Variants in GSG1L observed in about 807,000 individuals in gnomAD.
The protein encoded by GSG1L is germ cell-specific gene 1-like protein.
A neutral mutation model predicts 42.1 loss-of-function variants in GSG1L; 24 were observed. The observed-to-expected ratio is 0.57, with a 90% CI of 0.41 to 0.80. The LOEUF (loss-of-function observed/expected upper bound fraction) is 0.80. Ranked by LOEUF, GSG1L falls within the 30% of genes least tolerant of loss-of-function variation. The probability of loss-of-function intolerance (pLI) is 0.00; values close to 1 mark genes in which losing one functional copy is unlikely to be tolerated. For synonymous variants in GSG1L, 215 were observed against 203.5 expected (o/e 1.06, Z -0.48); for missense variants, 445 against 472.2 (o/e 0.94, Z 0.53).
intron 3 of GSG1L, among the ~76,000 whole-genome samples, chr16:27,849,928 T>A (rs1020184761): frequency 6.6e-6 from 1 of 150,984 alleles, no homozygotes; most frequent in South Asian, 2.1e-4. Flanking sequence ...GGTTTCAGCG[T>A]CTGGGCAGAT....
chr16:28,036,777 C>T (rs868782649), intron 1 of GSG1L, among the ~76,000 whole-genome samples: 23 of 152,258 alleles, frequency 1.5e-4, no homozygotes, highest in South Asian at 8.3e-4. Context: ...TCTGGGGTCA[C>T]GTAGGAGAAA....
At chr16:28,028,931 A>G (rs1014786236) in intron 1 of GSG1L, among the ~76,000 whole-genome samples, 1 of 152,212 alleles carries the variant, frequency 6.6e-6, no homozygotes, top group Non-Finnish European at 1.5e-5. Flanking sequence ...GCAGTGACCA[A>G]TAGCCAGCTA....
At chr16:27,864,948 G>A (rs1046610136) in intron 3 of GSG1L, among the ~76,000 whole-genome samples, 3 of 152,144 alleles carry the variant, frequency 2.0e-5, no homozygotes, top group African/African-American at 4.8e-5. Context: ...GAGTCCTACC[G>A]GGCTCCAGAA....
At chr16:27,867,387 C>T (rs1038261281) in intron 3 of GSG1L, among the ~76,000 whole-genome samples, 1 of 152,172 alleles carries the variant, frequency 6.6e-6, no homozygotes, top group African/African-American at 2.4e-5. Flanking sequence ...GAGTAAAGGA[C>T]CTGGCACATT....
chr16:27,793,115 G>A (rs1221567077), intron 6 of GSG1L, among the ~76,000 whole-genome samples: 1 of 152,226 alleles, frequency 6.6e-6, no homozygotes, highest in Admixed American at 6.5e-5. Flanking sequence ...TCCTAGTGAA[G>A]CCAAGCTCCT....
At chr16:27,997,309 C>CCTT (rs2085526559) in intron 1 of GSG1L, among the ~76,000 whole-genome samples, 1 of 70,594 alleles carries the variant, frequency 1.4e-5, no homozygotes, top group Non-Finnish European at 2.9e-5. Flanking sequence ...GTGTTCTCCA[C>CCTT]TTTTTTTTTT....
At chr16:27,826,329 G>A (rs1225083831) in intron 5 of GSG1L, among the ~76,000 whole-genome samples, 1 of 152,062 alleles carries the variant, frequency 6.6e-6, no homozygotes, top group East Asian at 1.9e-4. Flanking sequence ...CCCTCCCAAG[G>A]GCCCCACAGA....
chr16:27,846,069 A>AT (rs2083440105), intron 3 of GSG1L, among the ~76,000 whole-genome samples: 1 of 151,990 alleles, frequency 6.6e-6, no homozygotes, highest in South Asian at 2.1e-4. Flanking sequence ...CACCTGGCTA[A>AT]TTTTTGTATT....
intron 2 of GSG1L, among the ~76,000 whole-genome samples, chr16:27,888,416 C>CTT (rs2084058187): frequency 5.7e-5 from 1 of 17,484 alleles, no homozygotes; most frequent in African/African-American, 1.1e-4. Context: ...TTCTTTCTTT[C>CTT]TTTCTTTCTT....
Position 27,881,378 on chromosome 16 carries a change from A to G in GSG1L, c.550+3108T>C, listed in dbSNP as rs1306298914. On this transcript the variant is annotated intron_variant, in intron 3 of 6. Coordinates refer to ENST00000447459, the MANE Select transcript of GSG1L (RefSeq NM_001109763.2). ...TGCCTCAGCCTCCTAAGTAGCTGGG[A>G]TTACAGGTGTGCACCACCATGCCCA... Among the ~76,000 whole-genome samples the G allele has an allele frequency of 2.0e-5, 3 of 150,944 alleles. No individual in the cohort carries two copies. In the South Asian group the frequency reaches 6.3e-4, roughly 32 times the overall value.
At position 27,979,160 on chromosome 16, in the gene GSG1L, T is replaced by C. The variant is rs1370342855; in HGVS notation, c.350-15957A>G. ...TTCCATCCAGGCTTGCAAAAAGGAT[T>C]CAAACAAGCCAGGCATGGTGGCTCA... On this transcript the variant is annotated intron_variant, in intron 1 of 6. Transcript: ENST00000447459. Among the ~76,000 whole-genome samples, 4 of 151,934 alleles carry C rather than the reference T, an allele frequency of 2.6e-5. No individual in the cohort carries two copies. The East Asian group carries it at 7.8e-4, about 29-fold the overall frequency.
At chr16:27,871,489 A>C (rs968130481) in intron 3 of GSG1L, among the ~76,000 whole-genome samples, 1 of 152,074 alleles carries the variant, frequency 6.6e-6, no homozygotes, top group African/African-American at 2.4e-5. Flanking sequence ...AAAAAATACA[A>C]ACAATAGCCA....
At position 27,816,968 on chromosome 16, in the gene GSG1L, C is replaced by A. The variant is rs1407401216; in HGVS notation, c.831-9414G>T. Among the ~76,000 whole-genome samples the A allele has an allele frequency of 3.3e-5, 5 of 152,118 alleles. No individual in the cohort carries two copies. The East Asian group carries it at 9.6e-4, about 29-fold the overall frequency. On this transcript the variant is annotated intron_variant, in intron 5 of 6. Coordinates refer to ENST00000447459, the MANE Select transcript of GSG1L (RefSeq NM_001109763.2). ...TGCAGAGGTGTTGGAGGTGACTGTG[C>A]CATGTCACAGTCACTGTCCCCAATA...
intron 2 of GSG1L, among the ~76,000 whole-genome samples, chr16:27,938,607 G>A (rs2141080440): frequency 6.6e-6 from 1 of 152,302 alleles, no homozygotes; most frequent in South Asian, 2.1e-4. Context: ...AGGTCATCAG[G>A]TTATTGTCAG....
At position 27,946,622 on chromosome 16, in the gene GSG1L, AG is replaced by A. The variant is rs1221879906; in HGVS notation, c.397+16533del. Among the ~76,000 whole-genome samples, 25 of 22,196 alleles carry A rather than the reference AG, an allele frequency of 1.1e-3. No individual in the cohort carries two copies. The South Asian group carries it at 0.013, about 12-fold the overall frequency. The allele number at this position is 22,196 out of a possible 152,430, so 14.6% of individuals were successfully genotyped here. On this transcript the variant is annotated intron_variant, in intron 2 of 6. Transcript: ENST00000447459. ...GAGAGAGAGAGAGAGAGAGAGAGAGAGAGAGAGAGAAAGAAAGAAAGAAAGA... is the reference window on the plus strand; with the variant it reads ...GAGAGAGAGAGAGAGAGAGAGAGAGAAGAGAGAGAAAGAAAGAAAGAAAGA...
At chr16:27,958,007 G>A (rs770402951) in intron 2 of GSG1L, among the ~76,000 whole-genome samples, 10 of 152,136 alleles carry the variant, frequency 6.6e-5, no homozygotes, top group Non-Finnish European at 1.3e-4. Context: ...AGTCATTCAC[G>A]AGGGATCCAC....
chr16:27,943,140 G>A (rs556713950), intron 2 of GSG1L, among the ~76,000 whole-genome samples: 3 of 151,844 alleles, frequency 2.0e-5, no homozygotes, highest in South Asian at 2.1e-4. Flanking sequence ...CTACAGCCTC[G>A]AACTCCTGGC....
chr16:27,937,138 A>C (rs536299654), intron 2 of GSG1L, among the ~76,000 whole-genome samples: 1 of 152,230 alleles, frequency 6.6e-6, no homozygotes, highest in East Asian at 1.9e-4. Context: ...TGTGGCTCTC[A>C]AGGCTCCAGC....
chr16:27,969,725 G>A (rs766711207), intron 1 of GSG1L, among the ~76,000 whole-genome samples: 10 of 152,098 alleles, frequency 6.6e-5, no homozygotes, highest in Non-Finnish European at 1.2e-4. Context: ...ATATACCCAG[G>A]AATAGAATTG....
Sources: allele counts gnomAD v4.1 joint callset (sites outside exome capture counted in the v4.1 genomes callset), GRCh38; gene constraint gnomAD v4.1.1; transcripts MANE v1.5; gene names NCBI Gene and HGNC (gene_info 2026-07-23, HGNC 2026-07-21).